Variants in RALGAPA2 observed in about 807,000 individuals in gnomAD.
RALGAPA2 encodes Ral GTPase activating protein catalytic subunit alpha 2, also known as ral GTPase-activating protein subunit alpha-2.
Under a neutral mutation model 230.4 loss-of-function variants are expected in RALGAPA2, and 139 were observed. The ratio of observed to expected loss-of-function variants is 0.60; its 90% confidence interval spans 0.53 to 0.69. The LOEUF is 0.69. Ranked by LOEUF, RALGAPA2 falls within the 30% of genes least tolerant of loss-of-function variation. RALGAPA2 has a pLI of 0.00. For synonymous variants in RALGAPA2, 847 were observed against 837.8 expected (o/e 1.01, Z -0.19); for missense variants, 2,163 against 2,276.0 (o/e 0.95, Z 1.01).
intron 36 of RALGAPA2, among the ~76,000 whole-genome samples, chr20:20,491,448 G>A (rs1256943966): frequency 6.6e-6 from 1 of 152,136 alleles, no homozygotes; most frequent in Non-Finnish European, 1.5e-5. Context: ...TCACTACTAT[G>A]CCTGGAAATA....
chr20:20,504,304 T>C (rs2062464163), intron 34 of RALGAPA2, among the ~76,000 whole-genome samples: 2 of 152,222 alleles, frequency 1.3e-5, no homozygotes, highest in South Asian at 4.1e-4. Context: ...TCAAACCTAC[T>C]TGCCTTCTTA....
intron 23 of RALGAPA2, among the ~76,000 whole-genome samples, chr20:20,556,276 C>A (rs1044016935): frequency 1.3e-5 from 2 of 152,158 alleles, no homozygotes; most frequent in Non-Finnish European, 2.9e-5. Flanking sequence ...AACACAACAC[C>A]CTGCCTGAAG....
chr20:20,567,112 G>A (rs1474379207), intron 23 of RALGAPA2, among the ~76,000 whole-genome samples: 2 of 152,142 alleles, frequency 1.3e-5, no homozygotes, highest in East Asian at 3.8e-4. Context: ...GTAAGTCATT[G>A]TTAAAAAATA....
intron 3 of RALGAPA2, among the ~76,000 whole-genome samples, chr20:20,660,349 C>G (rs2067732700): frequency 6.6e-6 from 1 of 152,076 alleles, no homozygotes; most frequent in Non-Finnish European, 1.5e-5. Context: ...GTTTATTTAC[C>G]TTCCTGGTAA....
chr20:20,487,585 G>A (rs150284616), intron 36 of RALGAPA2, among the ~76,000 whole-genome samples: 110 of 152,238 alleles, frequency 7.2e-4, no homozygotes, highest in Admixed American at 1.4e-3. Context: ...AAGTGTTTCC[G>A]TTCCCCCAGG....
intron 36 of RALGAPA2, among the ~76,000 whole-genome samples, chr20:20,494,790 C>A (rs1018768888): frequency 6.6e-6 from 1 of 152,104 alleles, no homozygotes; most frequent in Non-Finnish European, 1.5e-5. Flanking sequence ...TATTATTAAT[C>A]AACATAACCA....
At chr20:20,394,328 T>C (rs1230998857) in intron 39 of RALGAPA2, among the ~76,000 whole-genome samples, 1 of 152,106 alleles carries the variant, frequency 6.6e-6, no homozygotes, top group East Asian at 1.9e-4. Flanking sequence ...GTTGCCTCCC[T>C]TCTTCTAGGC....
At chr20:20,631,614 C>T (rs1603131114) in intron 9 of RALGAPA2, among the ~76,000 whole-genome samples, 1 of 152,172 alleles carries the variant, frequency 6.6e-6, no homozygotes, top group South Asian at 2.1e-4. Context: ...GGATTCTCCC[C>T]TAGAACCTTG....
At chr20:20,532,039 T>C (rs944124901) in intron 26 of RALGAPA2, among the ~76,000 whole-genome samples, 7 of 152,220 alleles carry the variant, frequency 4.6e-5, no homozygotes, top group African/African-American at 1.4e-4. Flanking sequence ...GCATATTTTC[T>C]ATTAATTGTC....
At chr20:20,635,680 C>A (rs1322430096) in intron 8 of RALGAPA2, 63 bp from the exon 9 acceptor site, 3 of 1,344,668 alleles carry the variant, frequency 2.2e-6, no homozygotes, top group Admixed American at 5.6e-5. Context: ...GTAATCCCTA[C>A]AAATGTTTTG....
chr20:20,408,649 A>T (rs2059994549), intron 38 of RALGAPA2, among the ~76,000 whole-genome samples: 1 of 152,178 alleles, frequency 6.6e-6, no homozygotes, highest in Non-Finnish European at 1.5e-5. Flanking sequence ...CATTCCAGTT[A>T]ACCCTTTCAA....
At chr20:20,681,151 T>G (rs1396490370) in intron 1 of RALGAPA2, among the ~76,000 whole-genome samples, 1 of 152,136 alleles carries the variant, frequency 6.6e-6, no homozygotes, top group Non-Finnish European at 1.5e-5. Flanking sequence ...TAGAGGTTCA[T>G]GGAGGAGGCA....
chr20:20,656,581 G>T (rs1057369813), intron 3 of RALGAPA2, among the ~76,000 whole-genome samples: 4 of 152,136 alleles, frequency 2.6e-5, no homozygotes, highest in Admixed American at 2.6e-4. Context: ...ATTAATTTTA[G>T]ATGGATAACA....
chr20:20,433,901 A>G (rs2060551130), intron 37 of RALGAPA2, among the ~76,000 whole-genome samples: 1 of 152,250 alleles, frequency 6.6e-6, no homozygotes, highest in African/African-American at 2.4e-5. Flanking sequence ...TCAAATAACA[A>G]AATACTGCAT....
rs1394572078 is a variant in RALGAPA2 at position 20,398,184 on chromosome 20, C to G, written c.5618-1450G>C. On this transcript the variant is annotated intron_variant, in intron 38 of 39. Transcript: ENST00000202677. The surrounding 1 kb of genome is among the most constrained non-coding windows in gnomAD (Gnocchi z 4.5). ...TTTTAGAGCACCATGCCACTGACACCCTCCAGTGTGAGCAAAGGGTCTCTT... is the reference window on the plus strand; with the variant it reads ...TTTTAGAGCACCATGCCACTGACACGCTCCAGTGTGAGCAAAGGGTCTCTT... Among the ~76,000 whole-genome samples, 1 of 152,140 alleles carries G rather than the reference C, an allele frequency of 6.6e-6. No homozygotes were observed. Among genetic ancestry groups the G allele is most frequent in the Admixed American group, 6.5e-5 (1 of 15,278 alleles).
At chr20:20,514,401 G>A (rs937041106) in intron 31 of RALGAPA2, among the ~76,000 whole-genome samples, 1 of 152,154 alleles carries the variant, frequency 6.6e-6, no homozygotes, top group Non-Finnish European at 1.5e-5. Context: ...CAGGCACTGA[G>A]AGCTCCTGCT....
At chr20:20,504,596 C>T (rs957452434) in intron 34 of RALGAPA2, among the ~76,000 whole-genome samples, 6 of 151,996 alleles carry the variant, frequency 3.9e-5, no homozygotes, top group Admixed American at 2.6e-4. Context: ...TGTGGCGGCG[C>T]GTGCCTGTAG....
intron 35 of RALGAPA2, among the ~76,000 whole-genome samples, chr20:20,499,092 C>A (rs1035536180): frequency 3.4e-4 from 52 of 152,156 alleles, no homozygotes; most frequent in African/African-American, 1.2e-3. Context: ...CTGTTAGGGA[C>A]AATTTAGTTA....
intron 1 of RALGAPA2, among the ~76,000 whole-genome samples, chr20:20,694,466 A>T (rs6137104): frequency 4.6e-5 from 7 of 152,312 alleles, no homozygotes; most frequent in African/African-American, 1.7e-4. Flanking sequence ...GCTTGTGAGC[A>T]GCCTCCAATA....
Sources: gnomAD v4.1 joint callset for allele counts (sites outside exome capture counted in the v4.1 genomes callset) on GRCh38, gnomAD v4.1.1 for gene constraint, Gnocchi (gnomAD v3.1) non-coding constraint, MANE v1.5 for transcripts, NCBI Gene and HGNC (gene_info 2026-07-23, HGNC 2026-07-21) for gene names.